The following TXLNB variants were observed in gnomAD, a reference collection of about 807,000 sequenced individuals.
TXLNB encodes the protein beta-taxilin.
A neutral mutation model predicts 57.4 loss-of-function variants in TXLNB; 37 were observed. That is an observed-to-expected ratio of 0.64 (90% CI 0.50 to 0.85). The LOEUF (loss-of-function observed/expected upper bound fraction) is 0.85, where lower values mean the gene tolerates loss of function less well. TXLNB is among the 40% of genes least tolerant of loss of function. TXLNB has a pLI of 0.00. For missense variants in TXLNB, 848 were observed against 825.6 expected, an observed-to-expected ratio of 1.03 and a Z score of -0.33; for synonymous variants, 302 against 309.6, an observed-to-expected ratio of 0.98 and a Z score of 0.26.
chr6:139,254,105 A>T (rs1776276292), intron 7 of TXLNB, among the ~76,000 whole-genome samples: 1 of 152,200 alleles, frequency 6.6e-6, no homozygotes, highest in South Asian at 2.1e-4. Flanking sequence ...ACTTCTATGT[A>T]TCTAGTGTAT....
the TXLNB span, among the ~76,000 whole-genome samples, chr6:139,172,484 T>A: frequency 1.3e-5 from 2 of 152,236 alleles, no homozygotes; most frequent in East Asian, 3.8e-4. Context: ...GAAAATAGGT[T>A]TTGTTTAGCA....
intron 2 of TXLNB, among the ~76,000 whole-genome samples, chr6:139,278,479 G>A (rs1441449998): frequency 1.3e-5 from 2 of 152,156 alleles, no homozygotes; most frequent in Non-Finnish European, 2.9e-5. Context: ...CCTCGCCCCT[G>A]CCAGGCATGT....
At chr6:139,165,136 C>T in the TXLNB span, among the ~76,000 whole-genome samples, 1,172 of 152,246 alleles carry the variant, frequency 7.7e-3, 18 homozygotes, top group African/African-American at 0.027. Flanking sequence ...CAATTATGCC[C>T]ATTTATGGTT....
intron 7 of TXLNB, 187 bp downstream of exon 7, chr6:139,255,377 A>G: frequency 1.5e-6 from 1 of 657,770 alleles, no homozygotes; most frequent in Non-Finnish European, 2.9e-6. Context: ...TCTTTTTCAT[A>G]GATATAATAT....
rs550841576 is a variant in TXLNB, at chr6:139,271,160, G to A, written c.517-534C>T. 6.6e-5 allele frequency among the ~76,000 whole-genome samples: 10 copies of A among 152,264 alleles called. No individual in the cohort carries two copies. The South Asian group carries it at 1.0e-3, about 16-fold the overall frequency. On this transcript the variant is annotated intron_variant, in intron 3 of 9. Coordinates refer to ENST00000358430, the MANE Select transcript of TXLNB (RefSeq NM_153235.4). ...TAATGTTGGGCTCTGAGTGTGGATTGTTTATGTGTGGGAAAGGAGAAGAGA... is the reference window on the plus strand; with the variant it reads ...TAATGTTGGGCTCTGAGTGTGGATTATTTATGTGTGGGAAAGGAGAAGAGA...
intron 3 of TXLNB, 51 bp downstream of exon 3, chr6:139,276,779 G>T: frequency 7.3e-7 from 1 of 1,376,376 alleles, no homozygotes; most frequent in Non-Finnish European, 1.0e-6. Context: ...GAAGCTAGAG[G>T]CACTGGGCTC....
chr6:139,285,214 G>A (rs1428038684), intron 2 of TXLNB, among the ~76,000 whole-genome samples: 2 of 137,836 alleles, frequency 1.5e-5, no homozygotes, highest in Non-Finnish European at 3.2e-5. Flanking sequence ...ACCCAAATTG[G>A]TTATTTTAAC....
the TXLNB span, among the ~76,000 whole-genome samples, chr6:139,171,326 G>A: frequency 4.6e-5 from 7 of 152,190 alleles, no homozygotes; most frequent in African/African-American, 7.2e-5. Flanking sequence ...TTAGGCCTGA[G>A]TACTTGTGTG....
the TXLNB span, among the ~76,000 whole-genome samples, chr6:139,198,971 C>A: frequency 6.9e-6 from 1 of 144,452 alleles, no homozygotes; most frequent in African/African-American, 2.5e-5. Flanking sequence ...TTCTTTCTTC[C>A]TTTTTTTTTT....
chr6:139,203,414 G>C, the TXLNB span, among the ~76,000 whole-genome samples: 1 of 152,104 alleles, frequency 6.6e-6, no homozygotes, highest in African/African-American at 2.4e-5. Context: ...CTCTAATCAA[G>C]GAAGCCAATG....
At chr6:139,231,128 T>C in the TXLNB span, among the ~76,000 whole-genome samples, 16 of 152,140 alleles carry the variant, frequency 1.1e-4, no homozygotes, top group Admixed American at 1.3e-4. Context: ...GACACATAAA[T>C]ACATGAACAC....
At chr6:139,250,709 C>T (rs964460560) in intron 7 of TXLNB, among the ~76,000 whole-genome samples, 3 of 152,178 alleles carry the variant, frequency 2.0e-5, no homozygotes, top group Admixed American at 6.5e-5. Context: ...CTGGTCCTCC[C>T]GATCCCTCTT....
At chr6:139,216,927 G>A in the TXLNB span, among the ~76,000 whole-genome samples, 1 of 152,160 alleles carries the variant, frequency 6.6e-6, no homozygotes, top group Non-Finnish European at 1.5e-5. Context: ...CACTGCTCGG[G>A]TGTACCTGAT....
chr6:139,318,104 C>T, the TXLNB span, among the ~76,000 whole-genome samples: 2 of 151,516 alleles, frequency 1.3e-5, no homozygotes, highest in South Asian at 2.1e-4. Context: ...CCCGTCCCTA[C>T]TAAAAAATAC....
chr6:139,270,195 C>A (rs1227427255), intron 4 of TXLNB, among the ~76,000 whole-genome samples: 1 of 152,168 alleles, frequency 6.6e-6, no homozygotes, highest in Admixed American at 6.5e-5. Context: ...GTGTCAGGTA[C>A]TGTGCGGGTA....
chr6:139,271,972 T>C (rs1229767622), intron 3 of TXLNB: 2 of 152,212 alleles, frequency 1.3e-5, no homozygotes, highest in Non-Finnish European at 2.9e-5. Flanking sequence ...TGGATACAGA[T>C]GCCACATGAG....
the TXLNB span, among the ~76,000 whole-genome samples, chr6:139,302,838 T>G: frequency 6.6e-6 from 1 of 151,964 alleles, no homozygotes; most frequent in Non-Finnish European, 1.5e-5. Context: ...GGTAACTACA[T>G]TTATATTGTG....
the TXLNB span, among the ~76,000 whole-genome samples, chr6:139,186,343 T>A: frequency 6.6e-6 from 1 of 152,094 alleles, no homozygotes; most frequent in Non-Finnish European, 1.5e-5. Flanking sequence ...ACATAAAAAG[T>A]TCCCCCAAAA....
the TXLNB span, among the ~76,000 whole-genome samples, chr6:139,210,257 T>C: frequency 1.3e-5 from 2 of 152,304 alleles, no homozygotes; most frequent in South Asian, 4.1e-4. Context: ...TTTATGCTGC[T>C]GGTGGGAATG....
Sources: allele counts gnomAD v4.1 joint callset (sites outside exome capture counted in the v4.1 genomes callset), GRCh38; gene constraint gnomAD v4.1.1; transcripts MANE v1.5; gene names NCBI Gene and HGNC (gene_info 2026-07-23, HGNC 2026-07-21).